Variants in FGF14 observed in about 807,000 individuals in gnomAD.
FGF14 encodes the protein fibroblast growth factor homologous factor 4.
A neutral mutation model predicts 25.5 loss-of-function variants in FGF14; 5 were observed. The ratio of observed to expected loss-of-function variants is 0.20; its 90% CI spans 0.10 to 0.41. The LOEUF (loss-of-function observed/expected upper bound fraction) is 0.41. Among genes scored for constraint, FGF14 ranks in the 10% least tolerant of loss-of-function variants. The pLI is 1.00. For synonymous variants in FGF14, 138 were observed against 118.3 expected (o/e 1.17, Z -1.08); for missense variants, 222 against 320.1 (o/e 0.69, Z 2.34).
chr13:101,974,845 G>A (rs1336421004), intron 1 of FGF14, among the ~76,000 whole-genome samples: 4 of 152,254 alleles, frequency 2.6e-5, no homozygotes, highest in African/African-American at 9.6e-5. Flanking sequence ...AATTCTTGTT[G>A]AATGAATGTG....
intron 1 of FGF14, among the ~76,000 whole-genome samples, chr13:102,180,344 A>G (rs1413514684): frequency 6.6e-6 from 1 of 151,968 alleles, no homozygotes; most frequent in African/African-American, 2.4e-5. Flanking sequence ...ACAGAGTCTC[A>G]CTCTGTCACC....
chr13:102,242,082 T>G (rs2051631279), intron 1 of FGF14, among the ~76,000 whole-genome samples: 1 of 152,094 alleles, frequency 6.6e-6, no homozygotes. Context: ...CATTGTATAA[T>G]GAGCCTCATC....
chr13:101,805,258 A>T (rs1174698519), intron 3 of FGF14, among the ~76,000 whole-genome samples: 1 of 152,186 alleles, frequency 6.6e-6, no homozygotes, highest in Non-Finnish European at 1.5e-5. Flanking sequence ...TCTTGAAAAC[A>T]AGGTTGAAAA....
At chr13:102,028,954 G>C (rs556146184) in intron 1 of FGF14, among the ~76,000 whole-genome samples, 1 of 152,022 alleles carries the variant, frequency 6.6e-6, no homozygotes, top group Admixed American at 6.6e-5. Context: ...ACAGGGGAAG[G>C]AGCATTCAGC....
chr13:102,261,148 G>A (rs2052697145), intron 1 of FGF14, among the ~76,000 whole-genome samples: 1 of 152,146 alleles, frequency 6.6e-6, no homozygotes, highest in South Asian at 2.1e-4. Context: ...AAAAGACCAT[G>A]GGATCCTAAT....
intron 1 of FGF14, among the ~76,000 whole-genome samples, chr13:102,068,549 G>C (rs1191877084): frequency 6.6e-6 from 1 of 152,202 alleles, no homozygotes; most frequent in Admixed American, 6.5e-5. Flanking sequence ...GCATGGGCTT[G>C]GCGGGCCTGC....
intron 3 of FGF14, among the ~76,000 whole-genome samples, chr13:101,736,345 G>A (rs994816568): frequency 6.6e-6 from 1 of 152,084 alleles, no homozygotes; most frequent in Non-Finnish European, 1.5e-5. Context: ...ACTTGTGCCT[G>A]TCTATAGATT....
intron 1 of FGF14, among the ~76,000 whole-genome samples, chr13:102,075,184 T>A (rs376596739): frequency 6.6e-6 from 1 of 152,168 alleles, no homozygotes; most frequent in Non-Finnish European, 1.5e-5. Flanking sequence ...CTCTGAAGAC[T>A]TCACCAGAAA....
chr13:102,050,876 T>A (rs745717187), intron 1 of FGF14, among the ~76,000 whole-genome samples: 2 of 152,224 alleles, frequency 1.3e-5, no homozygotes, highest in African/African-American at 4.8e-5. Flanking sequence ...AAGGTGGACC[T>A]ATCAATATCA....
At chr13:102,215,055 A>G (rs544839890) in intron 1 of FGF14, among the ~76,000 whole-genome samples, 8 of 150,312 alleles carry the variant, frequency 5.3e-5, no homozygotes, top group African/African-American at 2.0e-4. Flanking sequence ...ACATGCTGTG[A>G]AGGAGAAACA....
chr13:101,714,475 A>G lies in FGF14; in HGVS notation c.*8356T>C, dbSNP rs2281991. 0.15 allele frequency: 242,565 copies of G among 1,608,980 alleles called. 22,039 individuals are homozygous for G. The highest frequency in any genetic ancestry group is 0.43 in the East Asian group (19,355 of 44,790). Reference sequence around the variant, plus strand: ...GTGGGAAGTGCATTTGTTCTGCTGAAGAGTGGTATATTTCTGGGGAGTTCT... The same window carrying G: ...GTGGGAAGTGCATTTGTTCTGCTGAGGAGTGGTATATTTCTGGGGAGTTCT... On this transcript the variant is annotated 3_prime_UTR_variant, in exon 5 of 5. Transcript: ENST00000376143.
chr13:101,838,715 C>T (rs1265396673), intron 3 of FGF14, among the ~76,000 whole-genome samples: 1 of 152,030 alleles, frequency 6.6e-6, no homozygotes, highest in Non-Finnish European at 1.5e-5. Flanking sequence ...TGACCTTGAA[C>T]TAGGCAGCTA....
intron 1 of FGF14, among the ~76,000 whole-genome samples, chr13:101,977,288 T>G (rs2037984892): frequency 2.0e-5 from 3 of 152,190 alleles, no homozygotes. Context: ...GTACTGCTTA[T>G]GAATACACCA....
At chr13:101,961,190 A>T (rs1315063177) in intron 1 of FGF14, among the ~76,000 whole-genome samples, 2 of 152,114 alleles carry the variant, frequency 1.3e-5, no homozygotes, top group African/African-American at 4.8e-5. Flanking sequence ...CTTAAGTTTA[A>T]CTAGATCCCA....
At chr13:102,375,486 CGTT>C (rs1338702342) in intron 1 of FGF14, among the ~76,000 whole-genome samples, 2 of 151,994 alleles carry the variant, frequency 1.3e-5, no homozygotes, top group Admixed American at 6.6e-5. Flanking sequence ...TATTTAATAA[CGTT>C]GTAGAAGACT....
chr13:102,305,670 A>C (rs1344497752), intron 1 of FGF14, among the ~76,000 whole-genome samples: 5 of 152,182 alleles, frequency 3.3e-5, no homozygotes, highest in African/African-American at 1.2e-4. Context: ...AGTCATTCTA[A>C]ACTAATTTTT....
chr13:101,991,581 C>A (rs1311167788), intron 1 of FGF14, among the ~76,000 whole-genome samples: 1 of 152,102 alleles, frequency 6.6e-6, no homozygotes, highest in African/African-American at 2.4e-5. Flanking sequence ...ATCAACAACA[C>A]TGCTTAGATC....
At chr13:101,809,380 G>C (rs186593405) in intron 3 of FGF14, among the ~76,000 whole-genome samples, 1 of 152,106 alleles carries the variant, frequency 6.6e-6, no homozygotes, top group African/African-American at 2.4e-5. Context: ...ATCTGTAGAT[G>C]CTATCACACT....
intron 3 of FGF14, among the ~76,000 whole-genome samples, chr13:101,863,333 G>A (rs988789441): frequency 6.6e-6 from 1 of 152,118 alleles, no homozygotes; most frequent in Non-Finnish European, 1.5e-5. Flanking sequence ...CCCAGGATGA[G>A]CAACCCTCAA....
Sources: allele counts gnomAD v4.1 joint callset (sites outside exome capture counted in the v4.1 genomes callset), GRCh38; gene constraint gnomAD v4.1.1; transcripts MANE v1.5; gene names NCBI Gene and HGNC (gene_info 2026-07-23, HGNC 2026-07-21).